The following ATG7 variants were observed in gnomAD, a reference collection of about 807,000 sequenced individuals.
ATG7 encodes the protein ubiquitin-like modifier-activating enzyme ATG7.
Under a neutral mutation model 82.4 loss-of-function variants are expected in ATG7, and 70 were observed. The ratio of observed to expected loss-of-function variants is 0.85; its 90% CI spans 0.70 to 1.04. The LOEUF (loss-of-function observed/expected upper bound fraction) is 1.04. Ranked by LOEUF, ATG7 falls within the 50% of genes least tolerant of loss-of-function variation. The pLI is 0.00. For missense variants in ATG7, 792 were observed against 864.3 expected (o/e 0.92, Z 1.05); for synonymous variants, 287 against 313.0 (o/e 0.92, Z 0.88).
At chr3:11,420,065 C>A (rs1307005644) in intron 19 of ATG7, among the ~76,000 whole-genome samples, 2 of 152,154 alleles carry the variant, frequency 1.3e-5, no homozygotes, top group East Asian at 1.9e-4. Context: ...TGTTCAAATT[C>A]TTTGTGATAA....
intron 7 of ATG7, among the ~76,000 whole-genome samples, chr3:11,311,718 A>T (rs1268987462): frequency 6.6e-6 from 1 of 151,876 alleles, no homozygotes. Flanking sequence ...TAATCTCTGG[A>T]GGTGTTTTTG....
intron 3 of ATG7, among the ~76,000 whole-genome samples, chr3:11,295,091 A>G (rs1044088399): frequency 3.3e-5 from 5 of 152,184 alleles, no homozygotes; most frequent in African/African-American, 1.2e-4. Context: ...CAGCCTCGGC[A>G]ACAGAGCAAG....
At chr3:11,564,379 G>A in the ATG7 span, among the ~76,000 whole-genome samples, 2 of 146,980 alleles carry the variant, frequency 1.4e-5, no homozygotes, top group Admixed American at 1.4e-4. Context: ...CTTCATCCGC[G>A]TGACCGTCTA....
chr3:11,450,491 A>G (rs188599499), intron 20 of ATG7, among the ~76,000 whole-genome samples: 5 of 152,322 alleles, frequency 3.3e-5, no homozygotes, highest in Non-Finnish European at 5.9e-5. Flanking sequence ...ACTAACTCCC[A>G]CAAAGCAAGG....
At chr3:11,442,802 TC>T (rs1041916954) in intron 20 of ATG7, among the ~76,000 whole-genome samples, 1 of 140,136 alleles carries the variant, frequency 7.1e-6, no homozygotes, top group African/African-American at 2.7e-5. Context: ...ATGCCTGTAG[TC>T]CCAGCTACTT....
chr3:11,304,030 G>T (rs888960429), intron 5 of ATG7, among the ~76,000 whole-genome samples: 2 of 152,074 alleles, frequency 1.3e-5, no homozygotes, highest in Non-Finnish European at 2.9e-5. Context: ...GGCGGAGCTT[G>T]CAGTGAGCCG....
intron 20 of ATG7, among the ~76,000 whole-genome samples, chr3:11,437,063 A>T (rs1461335142): frequency 6.6e-6 from 1 of 152,208 alleles, no homozygotes; most frequent in East Asian, 1.9e-4. Context: ...TGGTGTGTGA[A>T]TTATCAATAC....
chr3:11,357,562 A>T (rs748779784), intron 14 of ATG7, among the ~76,000 whole-genome samples: 3 of 152,192 alleles, frequency 2.0e-5, no homozygotes, highest in African/African-American at 7.2e-5. Flanking sequence ...ATACCCCTGA[A>T]AGGATTAAGA....
chr3:11,503,664 G>A (rs2091499170), intron 20 of ATG7, among the ~76,000 whole-genome samples: 2 of 148,238 alleles, frequency 1.3e-5, no homozygotes. Flanking sequence ...GCTGAGGCAG[G>A]AGAATCGCCG....
chr3:11,306,710 C>G (rs553390775), intron 5 of ATG7, among the ~76,000 whole-genome samples: 14 of 152,164 alleles, frequency 9.2e-5, no homozygotes, highest in Non-Finnish European at 1.5e-4. Context: ...GACAGTAGAA[C>G]AGCATCCTGA....
chr3:11,494,617 C>G (rs890517441), intron 20 of ATG7, among the ~76,000 whole-genome samples: 1 of 152,168 alleles, frequency 6.6e-6, no homozygotes, highest in African/African-American at 2.4e-5. Flanking sequence ...TGGCAAAGTC[C>G]TTTTTCATCA....
rs755413507 is a variant in ATG7, at chr3:11,274,307, C to CT, written c.-366+1886dup. Among the ~76,000 whole-genome samples the CT allele has an allele frequency of 8.9e-4, 135 of 151,490 alleles. 1 individual carries two copies. Among genetic ancestry groups the CT allele is most frequent in the African/African-American group, 2.9e-3 (120 of 41,298 alleles). ...CACATCCCTGTCCTCAAAGAGTTTA[C>CT]TTTTTTTTTAAGCCAAGGAGATAGC... On this transcript the variant is annotated intron_variant, in intron 1 of 20. Transcript: ENST00000693202.
At chr3:11,403,199 G>A (rs989595229) in intron 19 of ATG7, among the ~76,000 whole-genome samples, 4 of 152,164 alleles carry the variant, frequency 2.6e-5, no homozygotes, top group Non-Finnish European at 4.4e-5. Flanking sequence ...CTGATAATTC[G>A]TAGTAAATGT....
chr3:11,546,562 A>G (rs912388085), intron 20 of ATG7, among the ~76,000 whole-genome samples: 7 of 152,236 alleles, frequency 4.6e-5, no homozygotes, highest in Non-Finnish European at 1.0e-4. Flanking sequence ...TACAGTGTTT[A>G]TAAAAGAAGA....
Position 11,424,479 on chromosome 3 carries a change from A to C in ATG7, c.1957-2325A>C, listed in dbSNP as rs867997124. On this transcript the variant is annotated intron_variant, in intron 19 of 20. Coordinates refer to ENST00000693202, the MANE Select transcript of ATG7 (RefSeq NM_001349232.2). Reference sequence around the variant, plus strand: ...AGGTGACAGAGCGAGACTGTCACCAACAACAACAAAAAAAACACTGATTGC... The same window carrying C: ...AGGTGACAGAGCGAGACTGTCACCACCAACAACAAAAAAAACACTGATTGC... Among the ~76,000 whole-genome samples, 26 of 151,512 alleles carry C rather than the reference A, an allele frequency of 1.7e-4. 1 individual carries two copies. Among genetic ancestry groups the C allele is most frequent in the African/African-American group, 5.3e-4 (22 of 41,500 alleles).
chr3:11,523,769 C>T (rs1055324847), intron 20 of ATG7, among the ~76,000 whole-genome samples: 8 of 152,156 alleles, frequency 5.3e-5, no homozygotes, highest in South Asian at 2.1e-4. Flanking sequence ...TCTCTGATTA[C>T]GGCCAAAACA....
In ATG7 at chr3:11,396,467, T is replaced by C. The variant is rs536416659; in HGVS notation, c.1956+16415T>C. Among the ~76,000 whole-genome samples the C allele has an allele frequency of 7.9e-5, 12 of 152,156 alleles. No individual in the cohort carries two copies. The South Asian group carries it at 2.5e-3, about 32-fold the overall frequency. ...AAAAAAAAATGTGGGTAACTCTAAA[T>C]GAACATTTGAACATTTACTGTATAA... On this transcript the variant is annotated intron_variant, in intron 19 of 20. Coordinates refer to ENST00000693202, the MANE Select transcript of ATG7 (RefSeq NM_001349232.2).
chr3:11,511,675 C>T (rs970097893), intron 20 of ATG7, among the ~76,000 whole-genome samples: 6 of 152,172 alleles, frequency 3.9e-5, no homozygotes, highest in Non-Finnish European at 2.9e-5. Flanking sequence ...GCTCCGGCCG[C>T]ACAGGAGCCC....
At chr3:11,299,276 G>A (rs1355479694) in intron 4 of ATG7, 86 bp from the exon 5 acceptor site, 5 of 1,370,468 alleles carry the variant, frequency 3.6e-6, no homozygotes, top group Non-Finnish European at 5.2e-6. Flanking sequence ...GCTCAACAAA[G>A]AGAAGAAAAC....
Sources: gnomAD v4.1 joint callset for allele counts (sites outside exome capture counted in the v4.1 genomes callset) on GRCh38, gnomAD v4.1.1 for gene constraint, MANE v1.5 for transcripts, NCBI Gene and HGNC (gene_info 2026-07-23, HGNC 2026-07-21) for gene names.